Variants in MLLT1 observed in about 807,000 individuals in gnomAD.
MLLT1 encodes protein ENL.
A neutral mutation model predicts 55.1 loss-of-function variants in MLLT1; 11 were observed. The ratio of observed to expected loss-of-function variants is 0.20; its 90% CI spans 0.13 to 0.33. MLLT1 has a LOEUF of 0.33. Ranked by LOEUF, MLLT1 falls within the 10% of genes least tolerant of loss-of-function variation. The probability of loss-of-function intolerance (pLI) is 1.00; values close to 1 mark genes in which losing one functional copy is unlikely to be tolerated. For missense variants in MLLT1, 536 were observed against 760.6 expected (o/e 0.70, Z 3.47); for synonymous variants, 323 against 320.1 (o/e 1.01, Z -0.10).
chr19:6,277,957 A>G (rs1460701902), intron 1 of MLLT1, among the ~76,000 whole-genome samples: 2 of 152,246 alleles, frequency 1.3e-5, no homozygotes, highest in Non-Finnish European at 1.5e-5. Context: ...CCTCTTAAGA[A>G]GAAGGCAGCA....
Position 6,226,278 on chromosome 19 carries a change from G to C in MLLT1, c.546+699C>G, listed in dbSNP as rs2090956363. Among the ~76,000 whole-genome samples the C allele has an allele frequency of 6.6e-6, 1 of 152,214 alleles. No individual in the cohort carries two copies. The highest frequency in any genetic ancestry group is 2.1e-4 in the South Asian group (1 of 4,832). On this transcript the variant is annotated intron_variant, in intron 5 of 11. Coordinates refer to ENST00000252674, the MANE Select transcript of MLLT1 (RefSeq NM_005934.4). The surrounding 1 kb of genome is among the most constrained non-coding windows in gnomAD (Gnocchi z 6.3). Reference sequence around the variant, plus strand: ...CTCAGCCTCCAGGAACGGCTGTGCTGAGTGGGCAGCTACAGAGGACTGGGG... The same window carrying C: ...CTCAGCCTCCAGGAACGGCTGTGCTCAGTGGGCAGCTACAGAGGACTGGGG...
intron 3 of MLLT1, among the ~76,000 whole-genome samples, chr19:6,261,081 C>G (rs1052756647): frequency 1.3e-5 from 2 of 152,180 alleles, no homozygotes; most frequent in Non-Finnish European, 2.9e-5. Context: ...ATACGCTCAC[C>G]GGATACAGCT....
At chr19:6,251,347 C>G (rs1315294907) in intron 3 of MLLT1, among the ~76,000 whole-genome samples, 1 of 152,178 alleles carries the variant, frequency 6.6e-6, no homozygotes, top group Non-Finnish European at 1.5e-5. Context: ...TTTGGACATA[C>G]AACGGCTAGC....
intron 1 of MLLT1, among the ~76,000 whole-genome samples, chr19:6,275,677 C>A (rs1383397781): frequency 6.6e-6 from 1 of 152,208 alleles, no homozygotes; most frequent in Non-Finnish European, 1.5e-5. Flanking sequence ...CACCTCCACC[C>A]CTCTTCTGGC....
chr19:6,275,944 CA>C (rs1384940487), intron 1 of MLLT1, among the ~76,000 whole-genome samples: 13 of 152,208 alleles, frequency 8.5e-5, no homozygotes, highest in African/African-American at 2.9e-4. Context: ...CCACGTTCTC[CA>C]GGGGGGAGGG....
At position 6,212,999 on chromosome 19, in the gene MLLT1, C is replaced by T. The variant is rs1394779394; in HGVS notation, c.*43G>A. On this transcript the variant is annotated 3_prime_UTR_variant, in exon 12 of 12. Coordinates refer to ENST00000252674, the MANE Select transcript of MLLT1 (RefSeq NM_005934.4). ...AGGGCAGGCGAGGCCTGGCTGCAGCCTCCCAGGACCCCGGCGGTGGGGGCC... is the reference window on the plus strand; with the variant it reads ...AGGGCAGGCGAGGCCTGGCTGCAGCTTCCCAGGACCCCGGCGGTGGGGGCC... 2.5e-6 allele frequency: 4 copies of T among 1,605,722 alleles called. No individual in the cohort carries two copies. The highest frequency in any genetic ancestry group is 1.7e-5 in the Admixed American group (1 of 59,188).
intron 3 of MLLT1, among the ~76,000 whole-genome samples, chr19:6,238,244 T>C (rs1425144668): frequency 1.3e-5 from 2 of 152,172 alleles, no homozygotes; most frequent in South Asian, 2.1e-4. Context: ...GAGCTGACTG[T>C]GTGTGTGAGA....
At chr19:6,215,245 C>T (rs1300627948) in intron 8 of MLLT1, among the ~76,000 whole-genome samples, 3 of 152,248 alleles carry the variant, frequency 2.0e-5, no homozygotes, top group Non-Finnish European at 4.4e-5. Context: ...AGGCGCTTCG[C>T]GTGTGGCTCG....
intron 3 of MLLT1, chr19:6,259,805 A>AAAAAAAAC (rs1568293960): frequency 1.3e-5 from 2 of 151,164 alleles, no homozygotes; most frequent in African/African-American, 2.4e-5. Context: ...GACTTAAAAA[A>AAAAAAAAC]AAAAAAAAAA....
chr19:6,260,783 A>G (rs552650823), intron 3 of MLLT1, among the ~76,000 whole-genome samples: 1 of 152,336 alleles, frequency 6.6e-6, no homozygotes, highest in African/African-American at 2.4e-5. Context: ...TAGGTTGAGG[A>G]TACAGTGAGC....
Position 6,219,598 on chromosome 19 carries a change from G to C in MLLT1, c.1111-1557C>G, listed in dbSNP as rs1012527515. On this transcript the variant is annotated intron_variant, in intron 6 of 11. Transcript: ENST00000252674. The surrounding 1 kb of genome is among the most constrained non-coding windows in gnomAD (Gnocchi z 4.5). ...CAGCACCGCCAGCTGCCTGCACACC[G>C]AGGCCAAGGCTAGTCCTCCCTTGAC... Among the ~76,000 whole-genome samples, 1 of 152,190 alleles carries C rather than the reference G, an allele frequency of 6.6e-6. No individual in the cohort carries two copies. Among genetic ancestry groups the C allele is most frequent in the Non-Finnish European group, 1.5e-5 (1 of 68,034 alleles).
At chr19:6,258,292 C>T (rs533971461) in intron 3 of MLLT1, among the ~76,000 whole-genome samples, 4 of 152,166 alleles carry the variant, frequency 2.6e-5, no homozygotes, top group East Asian at 3.9e-4. Flanking sequence ...TATAGCTGTC[C>T]GTCATTCTGT....
intron 6 of MLLT1, among the ~76,000 whole-genome samples, chr19:6,218,456 A>G (rs188916863): frequency 6.6e-6 from 1 of 152,358 alleles, no homozygotes; most frequent in East Asian, 1.9e-4. Flanking sequence ...GGAACAGGAA[A>G]GCTGGGTGTG....
rs762269870 is a variant in MLLT1, at chr19:6,262,321, A to T, written c.194-11T>A. 2 of 1,612,592 alleles carry T rather than the reference A, an allele frequency of 1.2e-6. No individual in the cohort carries two copies. The highest frequency in any genetic ancestry group is 2.2e-5 in the South Asian group (2 of 91,052). On this transcript the variant is annotated splice_polypyrimidine_tract_variant and intron_variant, in intron 2 of 11. Coordinates refer to ENST00000252674, the MANE Select transcript of MLLT1 (RefSeq NM_005934.4). The surrounding 1 kb of genome is among the most constrained non-coding windows in gnomAD (Gnocchi z 4.4). ...GGGGCTCCTTGCACACTAAAAAGAA[A>T]AGGAAGAAACACACCCATCAGCCTC...
intron 3 of MLLT1, among the ~76,000 whole-genome samples, chr19:6,252,347 C>T (rs1399934648): frequency 1.3e-5 from 2 of 152,196 alleles, no homozygotes; most frequent in Non-Finnish European, 2.9e-5. Context: ...TTGCAGGTGG[C>T]CTGTCACGGG....
At chr19:6,239,683 AACAC>A (rs1051327989) in intron 3 of MLLT1, among the ~76,000 whole-genome samples, 11 of 151,940 alleles carry the variant, frequency 7.2e-5, no homozygotes, top group South Asian at 2.1e-4. Flanking sequence ...CCTGTGTACA[AACAC>A]ACACACAAAC....
intron 1 of MLLT1, among the ~76,000 whole-genome samples, chr19:6,279,255 C>A (rs929016144): frequency 5.3e-5 from 8 of 152,136 alleles, no homozygotes; most frequent in African/African-American, 1.9e-4. Flanking sequence ...GACTCGGGGA[C>A]AAGGGTCCAG....
At chr19:6,264,403 GC>G (rs1436858246) in intron 2 of MLLT1, among the ~76,000 whole-genome samples, 2 of 152,088 alleles carry the variant, frequency 1.3e-5, no homozygotes, top group African/African-American at 4.8e-5. Context: ...AGGCCCGTGA[GC>G]CTTCAGGCCT....
chr19:6,256,592 C>A lies in MLLT1; in HGVS notation c.276+5636G>T, dbSNP rs1178256667. On this transcript the variant is annotated intron_variant, in intron 3 of 11. Transcript: ENST00000252674. The surrounding 1 kb of genome is among the most constrained non-coding windows in gnomAD (Gnocchi z 4.1). ...ACACGGTGAAACCTGGTCTCTACTACAAATACAAAAAATTAGCCAGGCGTG... is the reference window on the plus strand; with the variant it reads ...ACACGGTGAAACCTGGTCTCTACTAAAAATACAAAAAATTAGCCAGGCGTG... 3.3e-5 allele frequency among the ~76,000 whole-genome samples: 5 copies of A among 151,674 alleles called. No homozygotes were observed. Among genetic ancestry groups the A allele is most frequent in the Non-Finnish European group, 7.4e-5 (5 of 67,912 alleles).
Sources: allele counts gnomAD v4.1 joint callset (sites outside exome capture counted in the v4.1 genomes callset), GRCh38; gene constraint gnomAD v4.1.1; non-coding constraint Gnocchi (gnomAD v3.1); transcripts MANE v1.5; gene names NCBI Gene and HGNC (gene_info 2026-07-23, HGNC 2026-07-21).